The following USH2A variants were observed in gnomAD, a reference collection of about 807,000 sequenced individuals.
USH2A encodes usherin.
A neutral mutation model predicts 538.9 loss-of-function variants in USH2A; 443 were observed. The ratio of observed to expected loss-of-function variants is 0.82; its 90% confidence interval spans 0.76 to 0.89. The LOEUF is 0.89. Among genes scored for constraint, USH2A ranks in the 40% least tolerant of loss-of-function variants. USH2A has a pLI of 0.00. For synonymous variants in USH2A, 2,413 were observed against 2,273.5 expected (o/e 1.06, Z -1.75); for missense variants, 6,633 against 6,324.8 (o/e 1.05, Z -1.65).
intron 3 of USH2A, among the ~76,000 whole-genome samples, chr1:216,369,783 T>C (rs1287511220): frequency 1.3e-5 from 2 of 151,258 alleles, no homozygotes; most frequent in East Asian, 3.9e-4. Context: ...ATTAGCTGGG[T>C]GTGGTGGCAC....
intron 70 of USH2A, among the ~76,000 whole-genome samples, chr1:215,631,016 A>C (rs984910792): frequency 6.6e-6 from 1 of 152,204 alleles, no homozygotes; most frequent in African/African-American, 2.4e-5. Flanking sequence ...TATACTGTAT[A>C]CTGTATGGTC....
At chr1:215,976,990 T>TG (rs1262013509) in intron 35 of USH2A, among the ~76,000 whole-genome samples, 1 of 151,258 alleles carries the variant, frequency 6.6e-6, no homozygotes, top group East Asian at 1.9e-4. Flanking sequence ...TCCAGTTTTT[T>TG]TTTTTTTCTT....
At chr1:215,669,638 G>A (rs1415075670) in intron 64 of USH2A, among the ~76,000 whole-genome samples, 1 of 152,156 alleles carries the variant, frequency 6.6e-6, no homozygotes, top group African/African-American at 2.4e-5. Context: ...ATTGGGTTTT[G>A]TTGCCAAATG....
chr1:215,927,710 T>C (rs867807797), intron 38 of USH2A, among the ~76,000 whole-genome samples: 7 of 152,094 alleles, frequency 4.6e-5, no homozygotes, highest in South Asian at 4.2e-4. Flanking sequence ...CCTGAAACCT[T>C]AGCATCATAC....
intron 3 of USH2A, among the ~76,000 whole-genome samples, chr1:216,376,355 T>C (rs1467267135): frequency 6.6e-6 from 1 of 152,146 alleles, no homozygotes; most frequent in Non-Finnish European, 1.5e-5. Context: ...AGGATTAATA[T>C]GATTTAGCAA....
At chr1:215,686,100 T>G (rs2102677217) in intron 61 of USH2A, among the ~76,000 whole-genome samples, 1 of 152,260 alleles carries the variant, frequency 6.6e-6, no homozygotes, top group African/African-American at 2.4e-5. Flanking sequence ...CAGCAGCTGG[T>G]TTACTTCTTT....
Position 215,732,279 on chromosome 1 carries a change from C to A in USH2A, c.11712-3895G>T, listed in dbSNP as rs1355554464. 3.3e-5 allele frequency among the ~76,000 whole-genome samples: 5 copies of A among 152,124 alleles called. No homozygotes were observed. In the East Asian group the frequency reaches 5.8e-4, roughly 18 times the overall value. On this transcript the variant is annotated intron_variant, in intron 60 of 71. Coordinates refer to ENST00000307340, the MANE Select transcript of USH2A (RefSeq NM_206933.4). The stretch of plus-strand genomic sequence containing the variant: ...CTGTTGAGGGAAGAGACATCACAAA[C>A]CTTTCAAAAATTTTAAGACAGTCCT...
At chr1:216,419,552 G>T (rs932680731) in intron 2 of USH2A, among the ~76,000 whole-genome samples, 2 of 152,026 alleles carry the variant, frequency 1.3e-5, no homozygotes, top group Non-Finnish European at 2.9e-5. Context: ...CCTGCTCAGG[G>T]TCGGTTGAGG....
chr1:216,176,327 C>T (rs1189651016), intron 20 of USH2A, among the ~76,000 whole-genome samples: 1 of 151,954 alleles, frequency 6.6e-6, no homozygotes, highest in African/African-American at 2.4e-5. Context: ...CCTGGAACTC[C>T]TGGGCTCAAG....
intron 52 of USH2A, 91 bp downstream of exon 52, chr1:215,786,579 A>G: frequency 7.3e-7 from 1 of 1,373,502 alleles, no homozygotes; most frequent in Non-Finnish European, 1.0e-6. Context: ...CAGTTTAAGG[A>G]GAGTTGATGT....
chr1:216,413,490 T>G (rs2039526538), intron 3 of USH2A, among the ~76,000 whole-genome samples: 1 of 152,116 alleles, frequency 6.6e-6, no homozygotes, highest in Non-Finnish European at 1.5e-5. Context: ...TTGGTTAAAT[T>G]GCATTTTGTT....
chr1:215,930,897 T>C (rs1200413526), intron 38 of USH2A, among the ~76,000 whole-genome samples: 1 of 151,954 alleles, frequency 6.6e-6, no homozygotes, highest in African/African-American at 2.4e-5. Context: ...CCTAGAACTC[T>C]TGAACCTGTA....
At chr1:216,094,578 T>C (rs2032392972) in intron 22 of USH2A, among the ~76,000 whole-genome samples, 1 of 152,226 alleles carries the variant, frequency 6.6e-6, no homozygotes, top group Admixed American at 6.5e-5. Flanking sequence ...CATAACTTAA[T>C]ATTACTAGAT....
At chr1:216,341,449 C>G (rs2038074717) in intron 4 of USH2A, among the ~76,000 whole-genome samples, 1 of 152,032 alleles carries the variant, frequency 6.6e-6, no homozygotes, top group Non-Finnish European at 1.5e-5. Flanking sequence ...CAGTCCTATT[C>G]CCATCAAACT....
At chr1:216,285,985 T>C (rs562733017) in intron 11 of USH2A, among the ~76,000 whole-genome samples, 3 of 152,250 alleles carry the variant, frequency 2.0e-5, no homozygotes, top group East Asian at 3.9e-4. Flanking sequence ...TTTACAGGCT[T>C]GTAGGCAGAA....
chr1:215,986,552 C>A (rs888741215), intron 35 of USH2A, among the ~76,000 whole-genome samples: 1 of 152,108 alleles, frequency 6.6e-6, no homozygotes, highest in Non-Finnish European at 1.5e-5. Flanking sequence ...CAAGACAAGT[C>A]TATGTGCTGT....
chr1:215,789,497 A>C (rs1370312943), intron 51 of USH2A, among the ~76,000 whole-genome samples: 1 of 152,232 alleles, frequency 6.6e-6, no homozygotes, highest in Non-Finnish European at 1.5e-5. Context: ...ACCCACATAC[A>C]TGACATGGCT....
intron 21 of USH2A, among the ~76,000 whole-genome samples, chr1:216,152,463 T>C (rs1572004109): frequency 2.2e-5 from 3 of 137,134 alleles, no homozygotes; most frequent in South Asian, 2.5e-4. Context: ...CGACCCCCAC[T>C]CCTGCCCACT....
At chr1:215,739,203 A>G (rs1158702093) in intron 60 of USH2A, among the ~76,000 whole-genome samples, 1 of 152,184 alleles carries the variant, frequency 6.6e-6, no homozygotes. Context: ...TTGTGAAGTG[A>G]TTGTGTCACA....
Sources: gnomAD v4.1 joint callset for allele counts (sites outside exome capture counted in the v4.1 genomes callset) on GRCh38, gnomAD v4.1.1 for gene constraint, MANE v1.5 for transcripts, NCBI Gene and HGNC (gene_info 2026-07-23, HGNC 2026-07-21) for gene names.